The following CHD1 variants were observed in gnomAD, a reference collection of about 807,000 sequenced individuals.
The protein encoded by CHD1 is chromodomain helicase DNA binding protein 1, also known as ATP-dependent chromatin remodeler CHD1.
A neutral mutation model predicts 224.2 loss-of-function variants in CHD1; 36 were observed. The ratio of observed to expected loss-of-function variants is 0.16; its 90% confidence interval spans 0.12 to 0.21. The LOEUF is 0.21. Ranked by LOEUF, CHD1 falls within the 10% of genes least tolerant of loss-of-function variation. The pLI, the probability that CHD1 is intolerant of heterozygous loss-of-function variation, is 1.00. For synonymous variants in CHD1, 668 were observed against 658.3 expected, an observed-to-expected ratio of 1.01 and a Z score of -0.23; for missense variants, 1,378 against 1,994.8, an observed-to-expected ratio of 0.69 and a Z score of 5.89.
In CHD1 at chr5:98,863,556, C is replaced by A; in HGVS notation, c.4279G>T (p.Ala1427Ser). 6.2e-7 allele frequency: 1 copy of A among 1,607,390 alleles called. No individual in the cohort carries two copies. The highest frequency in any genetic ancestry group is 1.1e-5 in the South Asian group (1 of 89,688). Residue 1427 changes from alanine to serine, a missense_variant, in exon 32 of 36, where the codon GCT (alanine) becomes TCT (serine). By Grantham distance (99) the Ala-to-Ser change is moderately conservative. Around this residue, in one of 16 missense-constraint regions of CHD1, gnomAD observed 23 missense variants for 65.8 expected, o/e 0.35. Coordinates refer to ENST00000614616, the MANE Select transcript of CHD1 (RefSeq NM_001270.4). ...TCAGGCCTATCAAGTTGTTTCAAAG[C>A]TGCTTTAACAGGCCTCATTCTTTCT... is the stretch of plus-strand genomic sequence containing the variant. ...CKERMRPVKA[A>S]LKQLDRPEKG...
Position 98,889,255 on chromosome 5 carries a change from A to G in CHD1, c.2181-17T>C, listed in dbSNP as rs1561514501. The G allele has an allele frequency of 2.0e-6, 3 of 1,530,888 alleles. No individual in the cohort carries two copies. The highest frequency in any genetic ancestry group is 1.8e-6 in the Non-Finnish European group (2 of 1,133,426). 94.8% of individuals were successfully genotyped at this position (1,530,888 alleles called of 1,614,324 possible). A position where few individuals can be genotyped will look rare whatever the true frequency, so the allele number is the denominator to read the frequency against. On this transcript the variant is annotated splice_polypyrimidine_tract_variant and intron_variant, in intron 15 of 35. Transcript: ENST00000614616. ...AAAATCCATCTTAAAAAAAAAAATT[A>G]TGAAAACGATGTTTAGCAGAACAAT...
At chr5:98,921,244 C>T (rs1446884101) in intron 2 of CHD1, among the ~76,000 whole-genome samples, 1 of 152,186 alleles carries the variant, frequency 6.6e-6, no homozygotes, top group African/African-American at 2.4e-5. Context: ...GCCATTGTTA[C>T]TGCTTCCGGA....
intron 26 of CHD1, among the ~76,000 whole-genome samples, chr5:98,873,125 G>C (rs1348243364): frequency 6.6e-6 from 1 of 152,110 alleles, no homozygotes; most frequent in Non-Finnish European, 1.5e-5. Context: ...ACTATGCCTG[G>C]TCTGCTTATT....
At position 98,883,190 on chromosome 5, in the gene CHD1, A is replaced by G; in HGVS notation, c.2616T>C (p.Asn872=). The G allele has an allele frequency of 1.2e-6, 2 of 1,604,598 alleles. No individual in the cohort carries two copies. Among genetic ancestry groups the G allele is most frequent in the Non-Finnish European group, 1.7e-6 (2 of 1,176,940 alleles). ...TAACAACAGTGTCAGCAGAGGCTAA[A>G]TTAATCCCTAGACCTCCAGCTCTTG... The part of the protein sequence containing the change: ...LSTRAGGLGI[N]LASADTVVIF... The change falls in exon 19 of 36, where the codon AAT becomes AAC. Residue 872 remains asparagine (N), a synonymous_variant. Transcript: ENST00000614616.
chr5:98,869,098 A>G (rs763518076), intron 30 of CHD1: 57 of 916,452 alleles, frequency 6.2e-5, no homozygotes, highest in Non-Finnish European at 7.2e-5. Context: ...TTTCCTTTAT[A>G]TCTTTCTTAT....
At chr5:98,884,218 C>T (rs1329225821) in intron 18 of CHD1, among the ~76,000 whole-genome samples, 1 of 151,488 alleles carries the variant, frequency 6.6e-6, no homozygotes, top group African/African-American at 2.4e-5. Context: ...GGACTACAGG[C>T]GCCCGCCACT....
chr5:98,884,721 CTTT>C (rs375839054), intron 18 of CHD1, among the ~76,000 whole-genome samples: 3 of 142,236 alleles, frequency 2.1e-5, no homozygotes, highest in Admixed American at 7.0e-5. Flanking sequence ...TTTTCTTTCC[CTTT>C]TTTTTTTTTT....
chr5:98,902,206 G>C (rs975557231), intron 5 of CHD1, among the ~76,000 whole-genome samples: 55 of 151,382 alleles, frequency 3.6e-4, no homozygotes, highest in African/African-American at 1.3e-3. Flanking sequence ...TGTAGAAAGA[G>C]AAAGGAAAAA....
Position 98,900,374 on chromosome 5 carries a change from AAAC to A in CHD1, c.859+434_859+436del, listed in dbSNP as rs201739535. 2.1e-3 allele frequency among the ~76,000 whole-genome samples: 312 copies of A among 152,134 alleles called. 6 individuals are homozygous for A. In the East Asian group the frequency reaches 0.047, roughly 23 times the overall value. On this transcript the variant is annotated intron_variant, in intron 7 of 35. Coordinates refer to ENST00000614616, the MANE Select transcript of CHD1 (RefSeq NM_001270.4). ...AAGTAGCTTTTATAAAACATAAGTA[AAAC>A]AACAACAACAAAAAATCCACCCTCT...
intron 12 of CHD1, 143 bp from the exon 13 acceptor site, chr5:98,894,829 T>G: frequency 2.4e-6 from 1 of 421,060 alleles, no homozygotes; most frequent in Non-Finnish European, 4.5e-6. Context: ...TTTTGTGGTT[T>G]TTTTTTTTTG....
chr5:98,922,720 G>C (rs1020762683), intron 2 of CHD1, among the ~76,000 whole-genome samples: 4 of 152,208 alleles, frequency 2.6e-5, no homozygotes, highest in African/African-American at 9.7e-5. Context: ...AGGCACGGTG[G>C]CTCATGCCTG....
At chr5:98,873,051 C>T (rs1749474839) in intron 26 of CHD1, among the ~76,000 whole-genome samples, 1 of 152,102 alleles carries the variant, frequency 6.6e-6, no homozygotes, top group Non-Finnish European at 1.5e-5. Flanking sequence ...TGGTCTCAAA[C>T]TCCTGGGTTC....
chr5:98,860,356 T>A (rs540758179), intron 32 of CHD1: 13 of 347,408 alleles, frequency 3.7e-5, no homozygotes, highest in African/African-American at 2.6e-4. Context: ...ACCAAAGACA[T>A]AAATTAAATC....
intron 16 of CHD1, among the ~76,000 whole-genome samples, chr5:98,888,679 G>A (rs551330085): frequency 1.3e-5 from 2 of 152,288 alleles, no homozygotes; most frequent in Non-Finnish European, 2.9e-5. Context: ...CTGTGCCTTC[G>A]CACTTCTGAC....
chr5:98,907,725 T>TTA (rs1752140857), intron 2 of CHD1, among the ~76,000 whole-genome samples: 1 of 151,958 alleles, frequency 6.6e-6, no homozygotes, highest in Non-Finnish European at 1.5e-5. Context: ...AGAAAAATAT[T>TTA]TATATATATT....
chr5:98,871,369 CAAAAAAA>C (rs61406690), intron 28 of CHD1, among the ~76,000 whole-genome samples: 4 of 46,796 alleles, frequency 8.5e-5, no homozygotes, highest in African/African-American at 3.3e-4. Context: ...CCATTTTAGG[CAAAAAAA>C]AAAAAAAAAA....
chr5:98,874,517 T>C (rs1394655889), intron 25 of CHD1, among the ~76,000 whole-genome samples: 1 of 132,120 alleles, frequency 7.6e-6, no homozygotes, highest in Non-Finnish European at 1.6e-5. Context: ...CTGGCCAATA[T>C]GGTGAAACCC....
At position 98,869,875 on chromosome 5, in the gene CHD1, G is replaced by T; in HGVS notation, c.3986C>A (p.Ser1329Ter). ...KKEALSGAGS[S>*]KRRKARAKKN... ...CTTAGCTCTTGCTTTTCTCCTCTTT[G>T]AACTTCCCTAAAAATCATTATTTTA... The change falls in exon 30 of 36, where the codon TCA (serine) becomes TAA (stop). Residue 1329 changes from serine (S) to a stop codon, truncating the protein, a stop_gained. Coordinates refer to ENST00000614616, the MANE Select transcript of CHD1 (RefSeq NM_001270.4). LOFTEE classifies it high-confidence loss of function. 6.3e-7 allele frequency: 1 copy of T among 1,594,162 alleles called. No homozygotes were observed. The highest frequency in any genetic ancestry group is 8.6e-7 in the Non-Finnish European group (1 of 1,166,888).
At chr5:98,866,766 G>C (rs1748903198) in intron 31 of CHD1, among the ~76,000 whole-genome samples, 1 of 152,074 alleles carries the variant, frequency 6.6e-6, no homozygotes, top group Admixed American at 6.5e-5. Context: ...CAGACTATAA[G>C]TGTTTCCTTC....
Sources: allele counts gnomAD v4.1 joint callset (sites outside exome capture counted in the v4.1 genomes callset), GRCh38; gene constraint gnomAD v4.1.1; regional missense constraint gnomAD v4.1.1; transcripts MANE v1.5; gene names NCBI Gene and HGNC (gene_info 2026-07-23, HGNC 2026-07-21).